The following NEBL variants were observed in gnomAD, a reference collection of about 807,000 sequenced individuals.
The protein encoded by NEBL is LIM and SH3 protein 2.
NEBL carries 122 observed loss-of-function variants against 140.2 expected under a neutral mutation model. That is an observed-to-expected ratio of 0.87 (90% CI 0.75 to 1.01). The LOEUF (loss-of-function observed/expected upper bound fraction) is 1.01, where lower values mean the gene tolerates loss of function less well. Ranked by LOEUF, NEBL falls within the 50% of genes least tolerant of loss-of-function variation. The probability of loss-of-function intolerance (pLI) is 0.00; values close to 1 mark genes in which losing one functional copy is unlikely to be tolerated. For synonymous variants in NEBL, 436 were observed against 398.9 expected, an observed-to-expected ratio of 1.09 and a Z score of -1.11; for missense variants, 1,365 against 1,231.3, an observed-to-expected ratio of 1.11 and a Z score of -1.62.
At chr10:21,090,960 AT>A (rs1174860724) in intron 2 of NEBL, among the ~76,000 whole-genome samples, 1 of 152,000 alleles carries the variant, frequency 6.6e-6, no homozygotes, top group Non-Finnish European at 1.5e-5. Context: ...AAAAATGCCA[AT>A]TTTTTCCCAG....
At chr10:21,241,156 A>C (rs1842433564) in intron 3 of NEBL, among the ~76,000 whole-genome samples, 2 of 152,096 alleles carry the variant, frequency 1.3e-5, no homozygotes, top group South Asian at 4.2e-4. Context: ...ATTCAGGCTT[A>C]TGTCCTGATT....
intron 3 of NEBL, among the ~76,000 whole-genome samples, chr10:21,225,297 T>A (rs1472084875): frequency 6.6e-6 from 1 of 152,130 alleles, no homozygotes; most frequent in African/African-American, 2.4e-5. Context: ...CAAGCACCCC[T>A]GTGACCACCA....
intron 3 of NEBL, among the ~76,000 whole-genome samples, chr10:20,990,639 T>A (rs1837423729): frequency 6.6e-6 from 1 of 152,174 alleles, no homozygotes; most frequent in South Asian, 2.1e-4. Flanking sequence ...ACTAAGACAC[T>A]TACCTCCAGG....
At chr10:21,087,915 C>A (rs559134300) in intron 2 of NEBL, among the ~76,000 whole-genome samples, 75 of 152,254 alleles carry the variant, frequency 4.9e-4, no homozygotes, top group Non-Finnish European at 6.3e-4. Flanking sequence ...CTGAAATAGG[C>A]AAATCGATTT....
At chr10:21,258,948 CA>C (rs1842700406) in intron 1 of NEBL, among the ~76,000 whole-genome samples, 1 of 152,012 alleles carries the variant, frequency 6.6e-6, no homozygotes, top group African/African-American at 2.4e-5. Context: ...ATTTAATCCT[CA>C]CAATAATCCT....
chr10:20,942,826 A>T (rs1295369255), intron 4 of NEBL, among the ~76,000 whole-genome samples: 1 of 152,222 alleles, frequency 6.6e-6, no homozygotes, highest in Non-Finnish European at 1.5e-5. Flanking sequence ...CAGCCAAAAG[A>T]CACATGAAAA....
intron 4 of NEBL, among the ~76,000 whole-genome samples, chr10:20,931,366 A>G (rs892387074): frequency 2.6e-4 from 39 of 152,230 alleles, no homozygotes; most frequent in African/African-American, 9.4e-4. Context: ...AACATAGAAG[A>G]CTGGAGTTTT....
intron 26 of NEBL, among the ~76,000 whole-genome samples, chr10:20,807,349 C>T (rs970142134): frequency 6.6e-6 from 1 of 152,080 alleles, no homozygotes; most frequent in African/African-American, 2.4e-5. Context: ...AGTTACTGAA[C>T]CCTTCATTAG....
intron 4 of NEBL, among the ~76,000 whole-genome samples, chr10:20,920,110 A>G (rs1450844741): frequency 6.6e-6 from 1 of 152,224 alleles, no homozygotes; most frequent in Non-Finnish European, 1.5e-5. Context: ...ATGACATTTT[A>G]TACCTTTCAA....
chr10:20,830,248 G>T (rs1345534563), intron 16 of NEBL, among the ~76,000 whole-genome samples: 1 of 152,190 alleles, frequency 6.6e-6, no homozygotes, highest in African/African-American at 2.4e-5. Context: ...ACCAAATGTT[G>T]TTACACAATC....
chr10:20,922,269 C>T (rs1384365613), intron 4 of NEBL, among the ~76,000 whole-genome samples: 1 of 152,162 alleles, frequency 6.6e-6, no homozygotes, highest in African/African-American at 2.4e-5. Flanking sequence ...GTCATAGCGA[C>T]CCAAATATAG....
At chr10:21,234,200 C>T (rs1479899183) in intron 3 of NEBL, among the ~76,000 whole-genome samples, 1 of 151,930 alleles carries the variant, frequency 6.6e-6, no homozygotes, top group Non-Finnish European at 1.5e-5. Context: ...GATTCAGAGA[C>T]GCTGGACCTG....
intron 2 of NEBL, among the ~76,000 whole-genome samples, chr10:20,894,362 A>G (rs1225243342): frequency 1.3e-5 from 2 of 152,132 alleles, no homozygotes; most frequent in African/African-American, 4.8e-5. Flanking sequence ...AGTCCTAGCC[A>G]CTTGGAAGGC....
At chr10:20,951,824 T>C (rs1835482452) in intron 4 of NEBL, among the ~76,000 whole-genome samples, 5 of 152,208 alleles carry the variant, frequency 3.3e-5, no homozygotes, top group Admixed American at 3.3e-4. Context: ...AAAGGTATAA[T>C]AAAATCTGGA....
At position 21,160,189 on chromosome 10, in the gene NEBL, GA is replaced by G. The variant is rs527390723; in HGVS notation, c.164+12193del. 6.4e-3 allele frequency among the ~76,000 whole-genome samples: 908 copies of G among 142,096 alleles called. 20 individuals are homozygous for G. The East Asian group carries it at 0.071, about 11-fold the overall frequency. 93.2% of individuals were successfully genotyped at this position (142,096 alleles called of 152,430 possible). On this transcript the variant is annotated intron_variant, in intron 2 of 6. Transcript: ENST00000417816. ...TGTTATATACTCATCACTGTATAAA[GA>G]AAAAAAAAAAACTAATATGCTTTTC...
intron 2 of NEBL, chr10:21,113,408 T>C (rs1016566257): frequency 3.1e-5 from 13 of 423,798 alleles, no homozygotes; most frequent in Non-Finnish European, 4.5e-6. Flanking sequence ...CTTCCCAAAG[T>C]GGAAGCCAAG....
chr10:20,873,292 C>A (rs1762466831), intron 5 of NEBL, among the ~76,000 whole-genome samples: 1 of 152,166 alleles, frequency 6.6e-6, no homozygotes, highest in African/African-American at 2.4e-5. Flanking sequence ...ACTCTTCAGT[C>A]TTCTCATGAC....
intron 4 of NEBL, among the ~76,000 whole-genome samples, chr10:20,904,575 T>C (rs1004931902): frequency 6.6e-6 from 1 of 152,230 alleles, no homozygotes. Flanking sequence ...CATTTATTGA[T>C]ATCAGCTTTT....
chr10:20,793,420 G>T, intron 26 of NEBL: 1 of 890,994 alleles, frequency 1.1e-6, no homozygotes, highest in East Asian at 1.2e-4. Context: ...GACAGAGGAA[G>T]AATCAGTTAC....
Sources: allele counts gnomAD v4.1 joint callset (sites outside exome capture counted in the v4.1 genomes callset), GRCh38; gene constraint gnomAD v4.1.1; transcripts MANE v1.5; gene names NCBI Gene and HGNC (gene_info 2026-07-23, HGNC 2026-07-21).